The following SPEN variants were observed in gnomAD, a reference collection of about 807,000 sequenced individuals.
The protein encoded by SPEN is spen family transcriptional repressor.
A neutral mutation model predicts 269.9 loss-of-function variants in SPEN; 18 were observed. The observed-to-expected ratio is 0.07, with a 90% CI of 0.05 to 0.10. The LOEUF (loss-of-function observed/expected upper bound fraction) is 0.10, where lower values mean the gene tolerates loss of function less well. Among genes scored for constraint, SPEN ranks in the 10% least tolerant of loss-of-function variants. The pLI, the probability that SPEN is intolerant of heterozygous loss-of-function variation, is 1.00. For missense variants in SPEN, 3,822 were observed against 4,631.2 expected, an observed-to-expected ratio of 0.83 and a Z score of 5.07; for synonymous variants, 1,726 against 1,765.7, an observed-to-expected ratio of 0.98 and a Z score of 0.56.
At chr1:15,882,217 G>A (rs1482076399) in intron 3 of SPEN, among the ~76,000 whole-genome samples, 6 of 152,130 alleles carry the variant, frequency 3.9e-5, no homozygotes, top group Non-Finnish European at 5.9e-5. Flanking sequence ...TGTCATGGCC[G>A]TTTATTGAGC....
intron 5 of SPEN, among the ~76,000 whole-genome samples, chr1:15,914,499 A>G (rs937360719): frequency 1.3e-5 from 2 of 152,220 alleles, no homozygotes; most frequent in Non-Finnish European, 2.9e-5. Context: ...AGGCTATGAT[A>G]AATTAGAAAT....
Position 15,937,826 on chromosome 1 carries a change from G to A in SPEN, c.10524G>A (p.Val3508=), listed in dbSNP as rs1402576512. ...CCTGTGAGCAGAAGTACCCCATCGT[G>A]TGGCAGGGCCTGCTGGCCCTCAAGA... The part of the protein sequence containing the change: ...MVQLLKKYPI[V]WQGLLALKND... Residue 3508 remains valine, a synonymous_variant, in exon 13 of 15, where the codon GTG becomes GTA. Coordinates refer to ENST00000375759, the MANE Select transcript of SPEN (RefSeq NM_015001.3). This position sits in a 1 kb window ranked among gnomAD's most constrained non-coding sequence, Gnocchi z 5.7. 3.1e-6 allele frequency: 5 copies of A among 1,613,840 alleles called. No individual in the cohort carries two copies. The highest frequency in any genetic ancestry group is 2.7e-5 in the African/African-American group (2 of 74,940).
intron 1 of SPEN, among the ~76,000 whole-genome samples, chr1:15,864,289 C>T (rs886557142): frequency 1.3e-5 from 2 of 151,938 alleles, no homozygotes; most frequent in Non-Finnish European, 2.9e-5. Context: ...GTGTCTCAGC[C>T]TCCCAAGCAG....
Position 15,876,184 on chromosome 1 carries a change from T to C in SPEN, c.405-18T>C, listed in dbSNP as rs2070628675. ...TTGCTCCTTTCTGATTAAATATTTT[T>C]CCCCCTCCTAAATGCAGGGCTTCAG... On this transcript the variant is annotated intron_variant, in intron 2 of 14. Coordinates refer to ENST00000375759, the MANE Select transcript of SPEN (RefSeq NM_015001.3). 1 of 1,579,686 alleles carries C rather than the reference T, an allele frequency of 6.3e-7. No individual in the cohort carries two copies. The highest frequency in any genetic ancestry group is 8.7e-7 in the Non-Finnish European group (1 of 1,152,058).
In SPEN at chr1:15,876,369, C is replaced by T; in HGVS notation, c.572C>T (p.Pro191Leu). The change falls in exon 3 of 15, where the codon CCA becomes CTA. Residue 191 changes from proline to leucine, a missense_variant. By Grantham distance (98) the Pro-to-Leu change is moderately conservative. This residue lies in a region of SPEN where 327 missense variants were observed against 350.8 expected (regional missense o/e 0.93). Transcript: ENST00000375759. ...GLYYASRSRSPNRFDAHDPRY... is the reference protein window; with the variant it reads ...GLYYASRSRSLNRFDAHDPRY... ...TATTACGCTTCTCGGAGTCGAAGTC[C>T]AAATCGCTTTGATGCTCATGACCCC... is the stretch of plus-strand genomic sequence containing the variant. 1.9e-6 allele frequency: 3 copies of T among 1,614,050 alleles called. No homozygotes were observed. Among genetic ancestry groups the T allele is most frequent in the Non-Finnish European group, 2.5e-6 (3 of 1,180,004 alleles).
intron 1 of SPEN, among the ~76,000 whole-genome samples, chr1:15,865,420 GTTTTT>G (rs35623952): frequency 8.6e-6 from 1 of 116,086 alleles, no homozygotes. Context: ...GTATATGCCT[GTTTTT>G]TTTTTTTTTT....
At position 15,933,693 on chromosome 1, in the gene SPEN, G is replaced by A. The variant is rs368603571; in HGVS notation, c.7453G>A (p.Ala2485Thr). 22 of 1,613,910 alleles carry A rather than the reference G, an allele frequency of 1.4e-5. No homozygotes were observed. Among genetic ancestry groups the A allele is most frequent in the African/African-American group, 9.3e-5 (7 of 74,884 alleles). ...VTAAKLSPPV[A>T]SGGIPHQSPP... Reference sequence around the variant, plus strand: ...TGCAGCAAAGCTCTCACCTCCTGTCGCCTCTGGGGGGATCCCACACCAGAG... The same window carrying A: ...TGCAGCAAAGCTCTCACCTCCTGTCACCTCTGGGGGGATCCCACACCAGAG... Residue 2485 changes from alanine to threonine, a missense_variant, in exon 11 of 15, where the codon GCC (alanine) becomes ACC (threonine). Transcript: ENST00000375759. The surrounding 1 kb of genome is among the most constrained non-coding windows in gnomAD (Gnocchi z 5.7).
rs775972479 is a variant in SPEN, at chr1:15,933,303, C to T, written c.7063C>T (p.His2355Tyr). The T allele has an allele frequency of 6.2e-7, 1 of 1,614,126 alleles. No homozygotes were observed. The highest frequency in any genetic ancestry group is 1.1e-5 in the South Asian group (1 of 91,082). ...NKKVVAPVESHVPESNQAQGE... is the reference protein window; with the variant it reads ...NKKVVAPVESYVPESNQAQGE... ...GAAAGTGGTGGCTCCTGTAGAGAGC[C>T]ATGTCCCTGAATCCAACCAAGCTCA... The change falls in exon 11 of 15, where the codon CAT (histidine) becomes TAT (tyrosine). Residue 2355 changes from histidine to tyrosine, a missense_variant. His to Tyr is a moderately conservative substitution (Grantham distance 83). Around this residue, in one of 16 missense-constraint regions of SPEN, gnomAD observed 727 missense variants for 737.9 expected, o/e 0.99. Transcript: ENST00000375759. This position sits in a 1 kb window ranked among gnomAD's most constrained non-coding sequence, Gnocchi z 5.7.
At chr1:15,923,673 C>CT (rs112720025) in intron 10 of SPEN, among the ~76,000 whole-genome samples, 6,867 of 140,186 alleles carry the variant, frequency 0.049, 491 homozygotes, top group African/African-American at 0.16. Flanking sequence ...ATACTTTGTG[C>CT]TTTTTTTTTT....
rs558020858 is a variant in SPEN at position 15,931,804 on chromosome 1, C to G, written c.5564C>G (p.Ser1855Cys). 43 of 1,614,202 alleles carry G rather than the reference C, an allele frequency of 2.7e-5. 1 individual carries two copies. In the South Asian group the frequency reaches 4.4e-4, roughly 16 times the overall value. The change falls in exon 11 of 15, where the codon TCC (serine) becomes TGC (cysteine). Residue 1855 changes from serine (S) to cysteine (C), a missense_variant. By Grantham distance (112) the Ser-to-Cys change is moderately radical. Transcript: ENST00000375759. The surrounding 1 kb of genome is among the most constrained non-coding windows in gnomAD (Gnocchi z 4.8). ...ATAGACCGGGAAAAACTCAAGCGGT[C>G]CAATTCTCCTCGGGGAGAAGCACAG... ...ERIDREKLKR[S>C]NSPRGEAQKL...
intron 3 of SPEN, among the ~76,000 whole-genome samples, chr1:15,904,696 A>G (rs1402631383): frequency 3.4e-5 from 5 of 149,214 alleles, no homozygotes; most frequent in Non-Finnish European, 7.4e-5. Context: ...CAGGTGATTC[A>G]CCTGACTCGG....
chr1:15,856,352 G>A (rs778846673), intron 1 of SPEN, among the ~76,000 whole-genome samples: 7 of 151,806 alleles, frequency 4.6e-5, no homozygotes, highest in Non-Finnish European at 5.9e-5. Context: ...ACTAAACTTG[G>A]GTGGGAAAAT....
At chr1:15,893,785 C>T (rs1010102108) in intron 3 of SPEN, among the ~76,000 whole-genome samples, 23 of 152,106 alleles carry the variant, frequency 1.5e-4, no homozygotes, top group Admixed American at 6.6e-5. Flanking sequence ...GCCGTAATCC[C>T]AGCACTTTGG....
At chr1:15,910,304 A>G (rs1437676908) in intron 4 of SPEN, among the ~76,000 whole-genome samples, 3 of 151,956 alleles carry the variant, frequency 2.0e-5, no homozygotes, top group Non-Finnish European at 4.4e-5. Context: ...CACCTTTTAT[A>G]TTTCTAATAA....
chr1:15,872,710 G>C (rs200655304), intron 1 of SPEN, 106 bp from the exon 2 acceptor site: 1 of 721,592 alleles, frequency 1.4e-6, no homozygotes, highest in East Asian at 2.7e-5. Context: ...TCATTTTGCA[G>C]GTCGTCCCTC....
At chr1:15,866,919 T>A (rs1410854633) in intron 1 of SPEN, among the ~76,000 whole-genome samples, 1 of 152,196 alleles carries the variant, frequency 6.6e-6, no homozygotes, top group Non-Finnish European at 1.5e-5. Context: ...AAAGGAGATA[T>A]AAAATCTTTT....
chr1:15,862,688 TGTGA>T (rs2070459525), intron 1 of SPEN, among the ~76,000 whole-genome samples: 1 of 152,194 alleles, frequency 6.6e-6, no homozygotes, highest in East Asian at 1.9e-4. Context: ...TAAAATATAA[TGTGA>T]GTATGTATGT....
Position 15,930,786 on chromosome 1 carries a change from A to G in SPEN, c.4546A>G (p.Lys1516Glu). The change falls in exon 11 of 15, where the codon AAA becomes GAA. Residue 1516 changes from lysine to glutamate, a missense_variant. Around this residue, in one of 16 missense-constraint regions of SPEN, gnomAD observed 533 missense variants for 618.8 expected, o/e 0.86. Transcript: ENST00000375759. This position sits in a 1 kb window ranked among gnomAD's most constrained non-coding sequence, Gnocchi z 5.3. ...AATGGATGATAAGAAAGAGGACCAT[A>G]AAGAAGAAGAGCAAGAGAGGCAGGA... ...GKMDDKKEDH[K>E]EEEQERQELF... 1 of 1,614,174 alleles carries G rather than the reference A, an allele frequency of 6.2e-7. No individual in the cohort carries two copies. The highest frequency in any genetic ancestry group is 2.2e-5 in the East Asian group (1 of 44,878).
In SPEN at chr1:15,937,076, C is replaced by A; in HGVS notation, c.10027-87C>A. 2 of 1,519,964 alleles carry A rather than the reference C, an allele frequency of 1.3e-6. No homozygotes were observed. The highest frequency in any genetic ancestry group is 1.8e-6 in the Non-Finnish European group (2 of 1,126,406). The allele number at this position is 1,519,964 out of a possible 1,614,324, so 94.2% of individuals were successfully genotyped here. On this transcript the variant is annotated intron_variant, in intron 11 of 14. Transcript: ENST00000375759. The surrounding 1 kb of genome is among the most constrained non-coding windows in gnomAD (Gnocchi z 5.7). ...GGGAGATGCCACATCTTATCCTTTC[C>A]CTGTGGCCCTTTGGGTCATTTGTTG...
Sources: gnomAD v4.1 joint callset for allele counts (sites outside exome capture counted in the v4.1 genomes callset) on GRCh38, gnomAD v4.1.1 for gene constraint, gnomAD v4.1.1 regional missense constraint, Gnocchi (gnomAD v3.1) non-coding constraint, MANE v1.5 for transcripts, NCBI Gene and HGNC (gene_info 2026-07-23, HGNC 2026-07-21) for gene names.